Variants in MAP3K5 observed in about 807,000 individuals in gnomAD.
MAP3K5 encodes the protein ASK-1.
In MAP3K5, 56 loss-of-function variants were observed where a neutral mutation model predicts 158.7. That is an observed-to-expected ratio of 0.35 (90% CI 0.28 to 0.44). The LOEUF is 0.44. Ranked by LOEUF, MAP3K5 falls within the 20% of genes least tolerant of loss-of-function variation. The probability of loss-of-function intolerance (pLI) is 1.00; values close to 1 mark genes in which losing one functional copy is unlikely to be tolerated. For synonymous variants in MAP3K5, 579 were observed against 601.7 expected, an observed-to-expected ratio of 0.96 and a Z score of 0.55; for missense variants, 1,294 against 1,674.8, an observed-to-expected ratio of 0.77 and a Z score of 3.97.
intron 3 of MAP3K5, among the ~76,000 whole-genome samples, chr6:136,702,230 T>A (rs1476482907): frequency 1.3e-5 from 2 of 151,912 alleles, no homozygotes; most frequent in Non-Finnish European, 1.5e-5. Flanking sequence ...AGGGGGGTGA[T>A]AAGCTGCAGA....
At position 136,574,018 on chromosome 6, in the gene MAP3K5, C is replaced by T. The variant is rs148192982; in HGVS notation, c.3518-6144G>A. On this transcript the variant is annotated intron_variant, in intron 25 of 29. Coordinates refer to ENST00000359015, the MANE Select transcript of MAP3K5 (RefSeq NM_005923.4). ...TGATCTTGGCTCACTGCAACCTCCG[C>T]CTCCCAGGTTCAAGTGATTCTTCTG... Among the ~76,000 whole-genome samples the T allele has an allele frequency of 6.5e-3, 986 of 152,016 alleles. 17 individuals carry two copies. The highest frequency in any genetic ancestry group is 0.022 in the African/African-American group (921 of 41,472).
intron 11 of MAP3K5, chr6:136,647,900 C>T (rs1489403863): frequency 6.6e-6 from 1 of 152,368 alleles, no homozygotes; most frequent in African/African-American, 2.4e-5. Flanking sequence ...CCTCAGGAAC[C>T]AGCACAGTCC....
intron 15 of MAP3K5, 128 bp downstream of exon 15, chr6:136,622,720 G>C: frequency 4.0e-6 from 4 of 1,006,604 alleles, no homozygotes; most frequent in Non-Finnish European, 5.9e-6. Context: ...CGAAACCTCA[G>C]AAGGAGCTAA....
At position 136,561,519 on chromosome 6, in the gene MAP3K5, A is replaced by T; in HGVS notation, c.3987+14T>A. ...AAGTGAAAGAATACTTGTCCCACAG[A>T]CAGTTTTCTTTACCCGGCTTATAGT... On this transcript the variant is annotated intron_variant, in intron 28 of 29. Transcript: ENST00000359015. 6.4e-7 allele frequency: 1 copy of T among 1,555,332 alleles called. No homozygotes were observed. Among genetic ancestry groups the T allele is most frequent in the East Asian group, 2.2e-5 (1 of 44,600 alleles).
At chr6:136,566,914 T>G (rs951001275) in intron 26 of MAP3K5, among the ~76,000 whole-genome samples, 1 of 152,222 alleles carries the variant, frequency 6.6e-6, no homozygotes, top group Non-Finnish European at 1.5e-5. Flanking sequence ...CTTTTATTGA[T>G]TCGCTTAAAA....
chr6:136,740,974 A>T (rs1473796034), intron 1 of MAP3K5, among the ~76,000 whole-genome samples: 1 of 152,124 alleles, frequency 6.6e-6, no homozygotes, highest in African/African-American at 2.4e-5. Context: ...TGGAGAGACT[A>T]TTTACTTCTT....
rs538657188 is a variant in MAP3K5 at position 136,702,299 on chromosome 6, G to A, written c.612+2811C>T. On this transcript the variant is annotated intron_variant, in intron 3 of 29. Coordinates refer to ENST00000359015, the MANE Select transcript of MAP3K5 (RefSeq NM_005923.4). ...GACAGCCCAGTGAGTATGCAGTGGA[G>A]GAAAAGTTGTGTTTTTCAAAAAGAT... Among the ~76,000 whole-genome samples the A allele has an allele frequency of 1.6e-4, 24 of 152,280 alleles. No homozygotes were observed. The East Asian group carries it at 4.4e-3, about 28-fold the overall frequency.
At chr6:136,602,844 T>G (rs1295831779) in intron 19 of MAP3K5, among the ~76,000 whole-genome samples, 3 of 152,262 alleles carry the variant, frequency 2.0e-5, no homozygotes, top group African/African-American at 7.2e-5. Context: ...CCCTATTACA[T>G]GATTTGTGAA....
chr6:136,718,476 ACC>A (rs1300036371), intron 2 of MAP3K5, among the ~76,000 whole-genome samples: 5 of 152,230 alleles, frequency 3.3e-5, no homozygotes, highest in African/African-American at 1.2e-4. Context: ...TGCTGGGATT[ACC>A]ACACCCAGCC....
Position 136,592,512 on chromosome 6 carries a change from T to A in MAP3K5, c.2981A>T (p.Asp994Val). 6.2e-7 allele frequency: 1 copy of A among 1,613,986 alleles called. No homozygotes were observed. The highest frequency in any genetic ancestry group is 8.5e-7 in the Non-Finnish European group (1 of 1,179,972). ...SVSPDTELKV[D>V]PFSFKTRAKS... ...GGCTCTTGTTTTGAAAGAGAAGGGG[T>A]CCACTTTCAACTCCGTGTCGGGTGA... Residue 994 changes from aspartate (D) to valine (V), a missense_variant, in exon 22 of 30, where the codon GAC becomes GTC. Asp to Val is a radical substitution (Grantham distance 152). This residue lies in a region of MAP3K5 where 362 missense variants were observed against 463.2 expected (regional missense o/e 0.78). Coordinates refer to ENST00000359015, the MANE Select transcript of MAP3K5 (RefSeq NM_005923.4).
intron 1 of MAP3K5, among the ~76,000 whole-genome samples, chr6:136,768,182 CA>C (rs2114993681): frequency 6.6e-6 from 1 of 152,088 alleles, no homozygotes; most frequent in South Asian, 2.1e-4. Flanking sequence ...AAAGCACAAA[CA>C]ACAAAAGAAA....
intron 15 of MAP3K5, among the ~76,000 whole-genome samples, chr6:136,619,530 C>A (rs144372870): frequency 6.6e-6 from 1 of 152,158 alleles, no homozygotes; most frequent in African/African-American, 2.4e-5. Context: ...CAACCTCCCC[C>A]CTTATCAACA....
intron 2 of MAP3K5, among the ~76,000 whole-genome samples, chr6:136,707,466 G>A (rs1781125656): frequency 6.6e-6 from 1 of 151,854 alleles, no homozygotes; most frequent in Admixed American, 6.6e-5. Context: ...GTAAAGCAAA[G>A]GCCCATCTGA....
chr6:136,614,829 C>T (rs1384455241), intron 15 of MAP3K5, among the ~76,000 whole-genome samples: 1 of 152,082 alleles, frequency 6.6e-6, no homozygotes, highest in East Asian at 1.9e-4. Flanking sequence ...CTGAAAGGCC[C>T]GTCAATTTTT....
chr6:136,607,115 G>T (rs986266632), intron 18 of MAP3K5, among the ~76,000 whole-genome samples: 2 of 152,084 alleles, frequency 1.3e-5, no homozygotes, highest in African/African-American at 4.8e-5. Context: ...CTCTTCATTT[G>T]TAGCTTTTCC....
intron 1 of MAP3K5, 107 bp from the exon 2 acceptor site, chr6:136,720,696 G>A (rs138991164): frequency 3.2e-4 from 248 of 763,510 alleles, no homozygotes; most frequent in African/African-American, 2.6e-3. Context: ...ATAAGGAAAC[G>A]ATAGGGATTT....
chr6:136,720,841 A>G (rs1781718274), intron 1 of MAP3K5, among the ~76,000 whole-genome samples: 1 of 152,238 alleles, frequency 6.6e-6, no homozygotes, highest in Non-Finnish European at 1.5e-5. Flanking sequence ...GTACAGTGAC[A>G]TGATCATGGC....
intron 7 of MAP3K5, among the ~76,000 whole-genome samples, chr6:136,691,420 G>A (rs1780382121): frequency 6.6e-6 from 1 of 152,100 alleles, no homozygotes; most frequent in African/African-American, 2.4e-5. Flanking sequence ...ACACCAGCCT[G>A]GACAACATGG....
intron 1 of MAP3K5, 114 bp downstream of exon 1, chr6:136,791,596 C>T (rs935227835): frequency 2.5e-6 from 3 of 1,193,762 alleles, no homozygotes; most frequent in Admixed American, 1.9e-5. Context: ...TCGCTGCCCC[C>T]AAAGTGGGGC....
Sources: allele counts gnomAD v4.1 joint callset (sites outside exome capture counted in the v4.1 genomes callset), GRCh38; gene constraint gnomAD v4.1.1; regional missense constraint gnomAD v4.1.1; transcripts MANE v1.5; gene names NCBI Gene and HGNC (gene_info 2026-07-23, HGNC 2026-07-21).